ANTXR2: variants seen among roughly 807,000 people sequenced by gnomAD.
ANTXR2 encodes ANTXR cell adhesion molecule 2.
ANTXR2 carries 44 observed loss-of-function variants against 73.7 expected under a neutral mutation model. The ratio of observed to expected loss-of-function variants is 0.60; its 90% CI spans 0.47 to 0.77. The LOEUF (loss-of-function observed/expected upper bound fraction) is 0.77. Ranked by LOEUF, ANTXR2 falls within the 30% of genes least tolerant of loss-of-function variation. The probability of loss-of-function intolerance (pLI) is 0.00; values close to 1 mark genes in which losing one functional copy is unlikely to be tolerated. For missense variants in ANTXR2, 604 were observed against 592.5 expected (o/e 1.02, Z -0.20); for synonymous variants, 217 against 205.9 (o/e 1.05, Z -0.46).
intron 16 of ANTXR2, 46 bp downstream of exon 16, chr4:79,977,575 T>C (rs1729691523): frequency 1.3e-6 from 2 of 1,549,586 alleles, no homozygotes; most frequent in African/African-American, 1.4e-5. Context: ...TCCATTATAC[T>C]GACTCAAGCA....
At chr4:80,024,268 G>C (rs1044245569) in intron 10 of ANTXR2, among the ~76,000 whole-genome samples, 84 of 152,194 alleles carry the variant, frequency 5.5e-4, no homozygotes, top group African/African-American at 2.0e-3. Flanking sequence ...AGAAGGATGT[G>C]AGTTTAATTT....
chr4:80,064,500 G>A (rs1734406568), intron 3 of ANTXR2, among the ~76,000 whole-genome samples: 1 of 152,094 alleles, frequency 6.6e-6, no homozygotes, highest in South Asian at 2.1e-4. Context: ...GACAAATGAG[G>A]ACTCCTGCTT....
At chr4:79,999,962 T>C (rs867064857) in intron 12 of ANTXR2, among the ~76,000 whole-genome samples, 4 of 152,066 alleles carry the variant, frequency 2.6e-5, no homozygotes, top group South Asian at 2.1e-4. Context: ...GGGATACATG[T>C]GATTGCTACT....
At chr4:80,032,892 CA>C (rs1732764532) in intron 9 of ANTXR2, among the ~76,000 whole-genome samples, 1 of 150,908 alleles carries the variant, frequency 6.6e-6, no homozygotes, top group South Asian at 2.1e-4. Flanking sequence ...AATTATCAAC[CA>C]AAACTATGCT....
intron 7 of ANTXR2, among the ~76,000 whole-genome samples, chr4:80,048,806 C>T (rs141124066): frequency 9.9e-5 from 15 of 151,720 alleles, no homozygotes; most frequent in African/African-American, 3.1e-4. Flanking sequence ...CAACAACAGA[C>T]ATTGCTGAGA....
At chr4:79,982,192 T>C (rs1729921307) in intron 14 of ANTXR2, among the ~76,000 whole-genome samples, 1 of 152,184 alleles carries the variant, frequency 6.6e-6, no homozygotes, top group South Asian at 2.1e-4. Context: ...TTTATTATCA[T>C]GCCATATTTT....
At chr4:79,953,290 T>G (rs1728773584) in intron 16 of ANTXR2, among the ~76,000 whole-genome samples, 2 of 146,188 alleles carry the variant, frequency 1.4e-5, no homozygotes, top group Admixed American at 1.3e-4. Flanking sequence ...GGGCACACTA[T>G]TTTCAGATAC....
rs1734141769 is a variant in ANTXR2, at chr4:80,059,409, A to G, written c.297-3396T>C. ...AGTTTCACTCTGTCACCCAGGCTGG[A>G]GTGCACTGGCACAATCATAGCTCAC... On this transcript the variant is annotated intron_variant, in intron 3 of 16. Transcript: ENST00000403729. Among the ~76,000 whole-genome samples, 5 of 151,936 alleles carry G rather than the reference A, an allele frequency of 3.3e-5. No homozygotes were observed. In the South Asian group the frequency reaches 1.0e-3, roughly 31 times the overall value.
At chr4:79,923,367 C>T (rs755799204) in intron 16 of ANTXR2, among the ~76,000 whole-genome samples, 1 of 152,104 alleles carries the variant, frequency 6.6e-6, no homozygotes, top group Non-Finnish European at 1.5e-5. Context: ...CAAAAGTCTT[C>T]CTGGCTTATT....
chr4:79,919,907 ATATATATATATAT>A (rs1560856461), intron 16 of ANTXR2, among the ~76,000 whole-genome samples: 3 of 17,774 alleles, frequency 1.7e-4, no homozygotes, highest in Non-Finnish European at 2.4e-4. Flanking sequence ...ATATATATAT[ATATATATATATAT>A]AAAAAATGAT....
At chr4:79,927,805 C>T (rs560336144) in intron 16 of ANTXR2, among the ~76,000 whole-genome samples, 1 of 152,182 alleles carries the variant, frequency 6.6e-6, no homozygotes, top group African/African-American at 2.4e-5. Context: ...TATCATACTT[C>T]GCACCTATTA....
intron 12 of ANTXR2, among the ~76,000 whole-genome samples, chr4:79,987,306 T>A (rs1730220494): frequency 2.0e-5 from 3 of 150,718 alleles, no homozygotes; most frequent in African/African-American, 7.3e-5. Context: ...CTTCCGGAAA[T>A]TAAAAATTTG....
intron 7 of ANTXR2, 31 bp downstream of exon 7, chr4:80,054,212 TTATAGATTAAAAAAATATACAAGGTTATG>T: frequency 7.5e-7 from 1 of 1,342,220 alleles, no homozygotes; most frequent in Non-Finnish European, 1.0e-6. Flanking sequence ...AGATTACTTC[TTATAGATTAAAAAAATATACAAGGTTATG>T]AGCCCTTCCT....
chr4:79,931,927 A>AT (rs1351769651), intron 16 of ANTXR2, among the ~76,000 whole-genome samples: 2 of 152,012 alleles, frequency 1.3e-5, no homozygotes, highest in South Asian at 2.1e-4. Flanking sequence ...TTATTTCCTT[A>AT]TTTTTTTCTC....
intron 16 of ANTXR2, among the ~76,000 whole-genome samples, chr4:79,926,126 G>A (rs1727770816): frequency 6.6e-6 from 1 of 152,030 alleles, no homozygotes; most frequent in Admixed American, 6.6e-5. Flanking sequence ...TGAATTAATT[G>A]ATTAGTTTAT....
At chr4:79,947,082 T>C (rs888967345) in intron 16 of ANTXR2, among the ~76,000 whole-genome samples, 1 of 152,162 alleles carries the variant, frequency 6.6e-6, no homozygotes, top group African/African-American at 2.4e-5. Context: ...TCAAAGTCCT[T>C]ACTTCTCAGT....
chr4:80,040,585 G>A (rs1438890075), intron 7 of ANTXR2, among the ~76,000 whole-genome samples: 1 of 151,970 alleles, frequency 6.6e-6, no homozygotes, highest in Non-Finnish European at 1.5e-5. Flanking sequence ...ACTAAATATA[G>A]CCTTAGCTGA....
chr4:80,016,647 T>A (rs1286583411), intron 11 of ANTXR2, among the ~76,000 whole-genome samples: 1 of 152,240 alleles, frequency 6.6e-6, no homozygotes, highest in Non-Finnish European at 1.5e-5. Context: ...CGATGTCCAA[T>A]AGACATCCCT....
chr4:79,993,478 C>G (rs1443658494), intron 12 of ANTXR2, among the ~76,000 whole-genome samples: 2 of 151,792 alleles, frequency 1.3e-5, no homozygotes, highest in African/African-American at 4.8e-5. Flanking sequence ...ATTCTTTGGG[C>G]CTTAAATGTA....
Sources: gnomAD v4.1 joint callset for allele counts (sites outside exome capture counted in the v4.1 genomes callset) on GRCh38, gnomAD v4.1.1 for gene constraint, MANE v1.5 for transcripts, NCBI Gene and HGNC (gene_info 2026-07-23, HGNC 2026-07-21) for gene names.